STARD9: variants seen among roughly 807,000 people sequenced by gnomAD.
The protein encoded by STARD9 is stAR-related lipid transfer protein 9.
STARD9 carries 346 observed loss-of-function variants against 399.8 expected under a neutral mutation model. The observed-to-expected ratio is 0.87, with a 90% CI of 0.79 to 0.95. The LOEUF is 0.95. Among genes scored for constraint, STARD9 ranks in the 40% least tolerant of loss-of-function variants. The pLI, the probability that STARD9 is intolerant of heterozygous loss-of-function variation, is 0.00. For synonymous variants in STARD9, 2,203 were observed against 2,143.5 expected, an observed-to-expected ratio of 1.03 and a Z score of -0.77; for missense variants, 5,832 against 5,667.5, an observed-to-expected ratio of 1.03 and a Z score of -0.93.
intron 20 of STARD9, among the ~76,000 whole-genome samples, chr15:42,679,286 CTATT>C (rs1241216896): frequency 3.9e-5 from 6 of 152,346 alleles, no homozygotes; most frequent in Admixed American, 3.3e-4. Flanking sequence ...ACTGCTTTCT[CTATT>C]TGTTTGGCAT....
In STARD9 at chr15:42,687,361, G is replaced by A; in HGVS notation, c.5783G>A (p.Arg1928Lys). Residue 1928 changes from arginine (R) to lysine (K), a missense_variant, in exon 23 of 33, where the codon AGG becomes AAG. Transcript: ENST00000290607. ...GAGCTGGATCAGAATACGGTTCTGA[G>A]GCAGACCATCAATGTAAGCCTTGAG... ...EEELDQNTVLRQTINVSLEKD... is the reference protein window; with the variant it reads ...EEELDQNTVLKQTINVSLEKD... 1 of 1,536,722 alleles carries A rather than the reference G, an allele frequency of 6.5e-7. No homozygotes were observed. Among genetic ancestry groups the A allele is most frequent in the Non-Finnish European group, 8.7e-7 (1 of 1,146,920 alleles).
At chr15:42,678,722 G>A (rs997026531) in intron 20 of STARD9, among the ~76,000 whole-genome samples, 9 of 152,184 alleles carry the variant, frequency 5.9e-5, no homozygotes, top group Admixed American at 1.3e-4. Context: ...CAGCAGCTGG[G>A]GGATACTGGA....
In STARD9 at chr15:42,691,514, C is replaced by T. The variant is rs1275648655; in HGVS notation, c.9936C>T (p.Phe3312=). 1 of 1,537,262 alleles carries T rather than the reference C, an allele frequency of 6.5e-7. No individual in the cohort carries two copies. Among genetic ancestry groups the T allele is most frequent in the Non-Finnish European group, 8.7e-7 (1 of 1,146,914 alleles). ...GCTCACTTCCTGTGACTACAATCTTCTCTGGCCCCAAACACTCCAGGTCCT... is the reference window on the plus strand; with the variant it reads ...GCTCACTTCCTGTGACTACAATCTTTTCTGGCCCCAAACACTCCAGGTCCT... ...HRGSLPVTTI[F]SGPKHSRSSP... is the part of the protein sequence containing the mutation. The change falls in exon 23 of 33, where the codon TTC becomes TTT. Residue 3312 remains phenylalanine, a synonymous_variant. Coordinates refer to ENST00000290607, the MANE Select transcript of STARD9 (RefSeq NM_020759.3).
At chr15:42,649,599 G>T (rs1196086620) in intron 7 of STARD9, among the ~76,000 whole-genome samples, 2 of 146,858 alleles carry the variant, frequency 1.4e-5, no homozygotes, top group South Asian at 2.1e-4. Context: ...TGCTCTTATC[G>T]CCCAGGCTGG....
Position 42,690,443 on chromosome 15 carries a change from G to A in STARD9, c.8865G>A (p.Gln2955=), listed in dbSNP as rs573932599. The part of the protein sequence containing the change: ...GKESRTLPCR[Q]PCSSQPVATH... ...AGAGCAGAACTCTTCCTTGCCGACA[G>A]CCATGCAGTTCTCAACCTGTTGCTA... Residue 2955 remains glutamine (Q), a synonymous_variant, in exon 23 of 33, where the codon CAG becomes CAA. Coordinates refer to ENST00000290607, the MANE Select transcript of STARD9 (RefSeq NM_020759.3). 2 of 1,537,232 alleles carry A rather than the reference G, an allele frequency of 1.3e-6. No homozygotes were observed. Among genetic ancestry groups the A allele is most frequent in the South Asian group, 1.2e-5 (1 of 84,062 alleles).
rs762297391 is a variant in STARD9, at chr15:42,690,378, C to G, written c.8800C>G (p.Pro2934Ala). 28 of 1,537,096 alleles carry G rather than the reference C, an allele frequency of 1.8e-5. No homozygotes were observed. The highest frequency in any genetic ancestry group is 2.4e-5 in the South Asian group (2 of 84,068). ...ALDGPVFSRN[P>A]EGSRTLSPSR... ...AGATGGCCCTGTCTTCTCAAGGAAC[C>G]CTGAAGGCAGCAGGACTCTCAGCCC... is the stretch of plus-strand genomic sequence containing the variant. The change falls in exon 23 of 33, where the codon CCT (proline) becomes GCT (alanine). Residue 2934 changes from proline (P) to alanine (A), a missense_variant. Transcript: ENST00000290607.
chr15:42,719,685 T>C lies in STARD9; in HGVS notation c.*111T>C, dbSNP rs1193167306. On this transcript the variant is annotated 3_prime_UTR_variant, in exon 33 of 33. Coordinates refer to ENST00000290607, the MANE Select transcript of STARD9 (RefSeq NM_020759.3). ...ACCACAGTGCAGGAAAAGCTGATGC[T>C]ACCTGCTGTGGCCGATTGGGGCAGA... 1 of 728,824 alleles carries C rather than the reference T, an allele frequency of 1.4e-6. No homozygotes were observed. The highest frequency in any genetic ancestry group is 2.3e-6 in the Non-Finnish European group (1 of 442,632). 45.1% of individuals were successfully genotyped at this position (728,824 alleles called of 1,614,324 possible). A position where few individuals can be genotyped will look rare whatever the true frequency, so the allele number is the denominator to read the frequency against.
At chr15:42,600,507 T>G (rs2058599385) in intron 3 of STARD9, among the ~76,000 whole-genome samples, 1 of 151,882 alleles carries the variant, frequency 6.6e-6, no homozygotes, top group African/African-American at 2.4e-5. Flanking sequence ...AGAGAGGGTT[T>G]TGCTTCGTTT....
At chr15:42,615,875 T>C (rs1171861423) in intron 3 of STARD9, among the ~76,000 whole-genome samples, 2 of 152,170 alleles carry the variant, frequency 1.3e-5, no homozygotes, top group African/African-American at 4.8e-5. Flanking sequence ...TGATATGTGA[T>C]AAAAAGCAGG....
rs1202571103 is a variant in STARD9 at position 42,704,399 on chromosome 15, C to T, written c.13284+8519C>T. ...AGTTGGTTTGGTGAGGTCATAGTTC[C>T]CTTAATGTTCTTGATGCTTTCCAAT... On this transcript the variant is annotated intron_variant, in intron 26 of 32. Coordinates refer to ENST00000290607, the MANE Select transcript of STARD9 (RefSeq NM_020759.3). 2.6e-5 allele frequency among the ~76,000 whole-genome samples: 4 copies of T among 152,226 alleles called. No individual in the cohort carries two copies. In the East Asian group the frequency reaches 7.7e-4, roughly 29 times the overall value.
At chr15:42,642,443 G>C (rs1478551208) in intron 7 of STARD9, among the ~76,000 whole-genome samples, 1 of 152,212 alleles carries the variant, frequency 6.6e-6, no homozygotes, top group Non-Finnish European at 1.5e-5. Context: ...ATCTAAGTGA[G>C]ACAAAGACAA....
chr15:42,626,233 A>ATTC lies in STARD9; in HGVS notation c.235-8607_235-8605dup, dbSNP rs750568752. ...GCCACCACACCTGGCAAGAGTTTTA[A>ATTC]TTCTTCTTCTTCTTCTTCCTCTTCC... On this transcript the variant is annotated intron_variant, in intron 3 of 32. Transcript: ENST00000290607. Among the ~76,000 whole-genome samples, 12 of 150,610 alleles carry ATTC rather than the reference A, an allele frequency of 8.0e-5. No homozygotes were observed. The South Asian group carries it at 1.5e-3, about 18-fold the overall frequency.
chr15:42,583,290 T>C (rs2058211655), intron 1 of STARD9, 56 bp from the exon 2 acceptor site: 3 of 1,367,750 alleles, frequency 2.2e-6, no homozygotes, highest in Non-Finnish European at 2.0e-6. Flanking sequence ...GGTTTTAGGC[T>C]CTTTTTTCTT....
intron 3 of STARD9, among the ~76,000 whole-genome samples, chr15:42,610,411 G>C (rs2058824494): frequency 6.6e-6 from 1 of 152,170 alleles, no homozygotes; most frequent in Non-Finnish European, 1.5e-5. Context: ...TGTTCTCTCA[G>C]TTGGGCCCTA....
chr15:42,603,531 T>G (rs926266516), intron 3 of STARD9, among the ~76,000 whole-genome samples: 3 of 152,084 alleles, frequency 2.0e-5, no homozygotes, highest in African/African-American at 7.2e-5. Context: ...TAGAGCCAAT[T>G]TACCGAGACA....
chr15:42,663,522 G>A, intron 12 of STARD9, 32 bp downstream of exon 12: 1 of 1,525,204 alleles, frequency 6.6e-7, no homozygotes, highest in Non-Finnish European at 8.8e-7. Context: ...GACCTGTGTT[G>A]GGACTGGTAC....
Position 42,681,432 on chromosome 15 carries a change from G to A in STARD9, c.1885G>A (p.Glu629Lys). The A allele has an allele frequency of 6.5e-7, 1 of 1,535,676 alleles. No homozygotes were observed. Among genetic ancestry groups the A allele is most frequent in the Non-Finnish European group, 8.7e-7 (1 of 1,146,412 alleles). The change falls in exon 21 of 33, where the codon GAA becomes AAA. Residue 629 changes from glutamate to lysine, a missense_variant. This residue lies in a region of STARD9 where 5,828 missense variants were observed against 5,651.1 expected (regional missense o/e 1.03). Coordinates refer to ENST00000290607, the MANE Select transcript of STARD9 (RefSeq NM_020759.3). The part of the protein sequence containing the change: ...PLLWKERRAL[E>K]EQCDEDHQTP... ...CCGCTTCTGTGACAGGAGAGCGCTT[G>A]AAGAGCAATGTGACGAGGACCATCA...
chr15:42,717,103 G>C, intron 28 of STARD9, 55 bp downstream of exon 28: 1 of 1,527,852 alleles, frequency 6.5e-7, no homozygotes, highest in South Asian at 1.2e-5. Context: ...CCTCTGCTGG[G>C]TGTGCAGGAA....
rs561697972 is a variant in STARD9, at chr15:42,624,585, G to C, written c.235-10271G>C. Among the ~76,000 whole-genome samples, 7 of 149,422 alleles carry C rather than the reference G, an allele frequency of 4.7e-5. 1 individual carries two copies. In the South Asian group the frequency reaches 1.5e-3, roughly 31 times the overall value. On this transcript the variant is annotated intron_variant, in intron 3 of 32. Coordinates refer to ENST00000290607, the MANE Select transcript of STARD9 (RefSeq NM_020759.3). Reference sequence around the variant, plus strand: ...TTTTTTTGAGACAGAGTCTCCCTCTGTCATCCAGGCTGGAGTGCAGTGACG... The same window carrying C: ...TTTTTTTGAGACAGAGTCTCCCTCTCTCATCCAGGCTGGAGTGCAGTGACG...
Sources: allele counts gnomAD v4.1 joint callset (sites outside exome capture counted in the v4.1 genomes callset), GRCh38; gene constraint gnomAD v4.1.1; regional missense constraint gnomAD v4.1.1; transcripts MANE v1.5; gene names NCBI Gene and HGNC (gene_info 2026-07-23, HGNC 2026-07-21).